Variants in NET1 observed in about 807,000 individuals in gnomAD.
The protein encoded by NET1 is neuroepithelial cell-transforming gene 1 protein.
Under a neutral mutation model 61.1 loss-of-function variants are expected in NET1, and 42 were observed. The observed-to-expected ratio is 0.69, with a 90% CI of 0.54 to 0.89. The LOEUF (loss-of-function observed/expected upper bound fraction) is 0.89. Ranked by LOEUF, NET1 falls within the 40% of genes least tolerant of loss-of-function variation. The pLI is 0.00. For synonymous variants in NET1, 254 were observed against 281.8 expected (o/e 0.90, Z 0.99); for missense variants, 654 against 747.3 (o/e 0.88, Z 1.46).
At chr10:5,442,978 G>A (rs934915197) in intron 3 of NET1, among the ~76,000 whole-genome samples, 1 of 151,998 alleles carries the variant, frequency 6.6e-6, no homozygotes, top group African/African-American at 2.4e-5. Flanking sequence ...GTTATAAAAA[G>A]GCTATAAGGC....
At position 5,458,953 on chromosome 10, in the gene NET1, G is replaced by A. The variant is rs997919727; in HGVS notation, c.*1959G>A. Among the ~76,000 whole-genome samples, 1 of 152,112 alleles carries A rather than the reference G, an allele frequency of 6.6e-6. No homozygotes were observed. Among genetic ancestry groups the A allele is most frequent in the African/African-American group, 2.4e-5 (1 of 41,424 alleles). ...AGTAATAGTTCAAGTGTTGTTAATG[G>A]AATTATGTTTTATTTAAAACCGTAT... On this transcript the variant is annotated 3_prime_UTR_variant, in exon 12 of 12. Transcript: ENST00000355029. This position sits in a 1 kb window ranked among gnomAD's most constrained non-coding sequence, Gnocchi z 4.5.
chr10:5,455,200 G>C lies in NET1; in HGVS notation c.1197+82G>C, dbSNP rs1229005674. The C allele has an allele frequency of 6.1e-5, 84 of 1,373,602 alleles. No homozygotes were observed. The highest frequency in any genetic ancestry group is 8.4e-5 in the Non-Finnish European group (82 of 978,356). 85.1% of individuals were successfully genotyped at this position (1,373,602 alleles called of 1,614,324 possible). On this transcript the variant is annotated intron_variant, in intron 10 of 11. Transcript: ENST00000355029. The surrounding 1 kb of genome is among the most constrained non-coding windows in gnomAD (Gnocchi z 6.5). ...TACACGTTTGTTATGAAGCAGGCTT[G>C]TAAAGGGAAAGTCATGACATAGTAA...
chr10:5,430,401 G>T (rs182770219), intron 3 of NET1, among the ~76,000 whole-genome samples: 2 of 147,000 alleles, frequency 1.4e-5, no homozygotes, highest in East Asian at 4.0e-4. Context: ...TTGAGGCGGA[G>T]TCTCGCTCTG....
chr10:5,454,466 G>T lies in NET1; in HGVS notation c.970G>T (p.Glu324Ter). ...AGTCAAATACCCTTTACTGTTAAAAGAAATTCTTAAACACACTCCAAAAGA... is the reference window on the plus strand; with the variant it reads ...AGTCAAATACCCTTTACTGTTAAAATAAATTCTTAAACACACTCCAAAAGA... ...RLVKYPLLLKEILKHTPKEHP... is the reference protein window; with the variant it reads ...RLVKYPLLLK Residue 324 changes from glutamate (E) to a stop codon, truncating the protein, a stop_gained, in exon 9 of 12, where the codon GAA becomes TAA. Transcript: ENST00000355029. LOFTEE classifies it high-confidence loss of function. The surrounding 1 kb of genome is among the most constrained non-coding windows in gnomAD (Gnocchi z 8.1). The T allele has an allele frequency of 6.2e-7, 1 of 1,614,174 alleles. No individual in the cohort carries two copies. The highest frequency in any genetic ancestry group is 8.5e-7 in the Non-Finnish European group (1 of 1,180,016).
rs759389013 is a variant in NET1, at chr10:5,452,369, T to G, written c.375T>G (p.Leu125=). The change falls in exon 5 of 12, where the codon CTT becomes CTG. Residue 125 remains leucine, a synonymous_variant. Transcript: ENST00000355029. This position sits in a 1 kb window ranked among gnomAD's most constrained non-coding sequence, Gnocchi z 4.0. The part of the protein sequence containing the change: ...RFGQTIQSFT[L]RGDHRSPASA... ...TTTTCTTTTTTAAGTCATTTACCCT[T>G]CGTGGTGACCACAGATCCCCAGCCT... The G allele has an allele frequency of 2.2e-5, 35 of 1,608,744 alleles. No individual in the cohort carries two copies. Among genetic ancestry groups the G allele is most frequent in the Non-Finnish European group, 2.9e-5 (34 of 1,177,030 alleles).
rs763018439 is a variant in NET1, at chr10:5,454,378, C to T, written c.882C>T (p.Leu294=). ...TCCAAGACTTCCTCCAGCGATGTCT[C>T]GAGTCTCCCTTCAGTCGAAAACTAG... ...PRVQDFLQRC[L]ESPFSRKLDL... is the part of the protein sequence containing the mutation. The change falls in exon 9 of 12, where the codon CTC becomes CTT. Residue 294 remains leucine (L), a synonymous_variant. Transcript: ENST00000355029. The surrounding 1 kb of genome is among the most constrained non-coding windows in gnomAD (Gnocchi z 8.1). The T allele has an allele frequency of 1.2e-5, 20 of 1,614,018 alleles. No individual in the cohort carries two copies. In the Middle Eastern group the frequency reaches 9.9e-4, roughly 80 times the overall value.
intron 2 of NET1, among the ~76,000 whole-genome samples, 188 bp from the exon 3 acceptor site, chr10:5,428,982 C>T (rs1369071407): frequency 6.6e-6 from 1 of 151,994 alleles, no homozygotes; most frequent in Non-Finnish European, 1.5e-5. Context: ...GATCCGCCCT[C>T]CTCAGCCTCC....
chr10:5,432,500 A>G (rs1223554907), intron 3 of NET1, among the ~76,000 whole-genome samples: 1 of 152,170 alleles, frequency 6.6e-6, no homozygotes, highest in Non-Finnish European at 1.5e-5. Flanking sequence ...CAGTCAAATT[A>G]CTGTGTTTTT....
chr10:5,453,503 A>G lies in NET1; in HGVS notation c.711A>G (p.Gly237=). Residue 237 remains glycine, a synonymous_variant, in exon 8 of 12, where the codon GGA becomes GGG. Coordinates refer to ENST00000355029, the MANE Select transcript of NET1 (RefSeq NM_001047160.3). The surrounding 1 kb of genome is among the most constrained non-coding windows in gnomAD (Gnocchi z 4.9). ...CTTCAGATTTGTTGACAAGAATAGGAGAAGCAACCAAGCCTGATGGAACAG... is the reference window on the plus strand; with the variant it reads ...CTTCAGATTTGTTGACAAGAATAGGGGAAGCAACCAAGCCTGATGGAACAG... ...PLHEDLLTRI[G]EATKPDGTVE... The G allele has an allele frequency of 6.2e-7, 1 of 1,614,150 alleles. No individual in the cohort carries two copies. Among genetic ancestry groups the G allele is most frequent in the Non-Finnish European group, 8.5e-7 (1 of 1,180,016 alleles).
intron 3 of NET1, among the ~76,000 whole-genome samples, chr10:5,436,565 T>C (rs1220381692): frequency 6.6e-6 from 1 of 151,994 alleles, no homozygotes; most frequent in South Asian, 2.1e-4. Flanking sequence ...ATTGGTATAC[T>C]CTGCCATTTT....
rs1318410403 is a variant in NET1, at chr10:5,427,807, G to T, written c.195+1086G>T. 3.9e-5 allele frequency among the ~76,000 whole-genome samples: 6 copies of T among 152,172 alleles called. No homozygotes were observed. Among genetic ancestry groups the T allele is most frequent in the Non-Finnish European group, 8.8e-5 (6 of 68,032 alleles). Reference sequence around the variant, plus strand: ...GTGTGCAGTCATTTCCTAGGGGATAGATTCTGTTCCTTGTTTTCTTTTTTC... The same window carrying T: ...GTGTGCAGTCATTTCCTAGGGGATATATTCTGTTCCTTGTTTTCTTTTTTC... On this transcript the variant is annotated intron_variant, in intron 2 of 11. Coordinates refer to ENST00000355029, the MANE Select transcript of NET1 (RefSeq NM_001047160.3). The surrounding 1 kb of genome is among the most constrained non-coding windows in gnomAD (Gnocchi z 4.1).
Position 5,440,606 on chromosome 10 carries a change from C to A in NET1, c.256-11224C>A, listed in dbSNP as rs1008158135. On this transcript the variant is annotated intron_variant, in intron 3 of 11. Transcript: ENST00000355029. The surrounding 1 kb of genome is among the most constrained non-coding windows in gnomAD (Gnocchi z 4.1). The stretch of plus-strand genomic sequence containing the variant: ...GGTGTGCAATACTGCTTCTGACTTA[C>A]CATCTTGGCCCAGGTGTAAGGGGTG... Among the ~76,000 whole-genome samples, 2 of 152,188 alleles carry A rather than the reference C, an allele frequency of 1.3e-5. No homozygotes were observed. Among genetic ancestry groups the A allele is most frequent in the African/African-American group, 4.8e-5 (2 of 41,442 alleles).
At position 5,422,599 on chromosome 10, in the gene NET1, A is replaced by G. The variant is rs1832194494; in HGVS notation, c.129-4056A>G. 6.6e-6 allele frequency among the ~76,000 whole-genome samples: 1 copy of G among 152,190 alleles called. No homozygotes were observed. The highest frequency in any genetic ancestry group is 2.4e-5 in the African/African-American group (1 of 41,436). ...CAAGGCCTGAGAATTAATGCAGGAC[A>G]TTAGGATGTCTGGGGTGCTTTGGGG... On this transcript the variant is annotated intron_variant, in intron 1 of 11. Transcript: ENST00000355029. The surrounding 1 kb of genome is among the most constrained non-coding windows in gnomAD (Gnocchi z 4.1).
chr10:5,413,770 G>A (rs1227626971), intron 1 of NET1, among the ~76,000 whole-genome samples: 1 of 152,198 alleles, frequency 6.6e-6, no homozygotes, highest in African/African-American at 2.4e-5. Context: ...TTTTGCAACA[G>A]GTTGAGAAGA....
intron 2 of NET1, among the ~76,000 whole-genome samples, chr10:5,428,287 G>A (rs1288356689): frequency 6.6e-6 from 1 of 152,064 alleles, no homozygotes; most frequent in Non-Finnish European, 1.5e-5. Context: ...AGAAATGGTA[G>A]ATATGTACAC....
Position 5,452,508 on chromosome 10 carries a change from G to C in NET1, c.514G>C (p.Glu172Gln). 1 of 1,613,368 alleles carries C rather than the reference G, an allele frequency of 6.2e-7. No homozygotes were observed. The highest frequency in any genetic ancestry group is 8.5e-7 in the Non-Finnish European group (1 of 1,179,638). The change falls in exon 5 of 12, where the codon GAG becomes CAG. Residue 172 changes from glutamate to glutamine, a missense_variant. Coordinates refer to ENST00000355029, the MANE Select transcript of NET1 (RefSeq NM_001047160.3). This position sits in a 1 kb window ranked among gnomAD's most constrained non-coding sequence, Gnocchi z 4.0. ...ITMKESLTTR[E>Q]IRRQEAIYEM... ...CATGAAGGAGTCTCTCACCACCAGG[G>C]AGATCAGACGGCAGGAGGTATGCTG... is the stretch of plus-strand genomic sequence containing the variant.
rs182960432 is a variant in NET1 at position 5,417,140 on chromosome 10, G to T, written c.128+4320G>T. ...CCCTGGCCAAGCTCTGCGTCATTCT[G>T]CGAATCGATGGCCTGCCAGCTGGCC... On this transcript the variant is annotated intron_variant, in intron 1 of 11. Transcript: ENST00000355029. The surrounding 1 kb of genome is among the most constrained non-coding windows in gnomAD (Gnocchi z 5.5). Among the ~76,000 whole-genome samples, 1 of 149,122 alleles carries T rather than the reference G, an allele frequency of 6.7e-6. No homozygotes were observed. The highest frequency in any genetic ancestry group is 2.5e-5 in the African/African-American group (1 of 40,218).
At chr10:5,419,448 G>T (rs780021256) in intron 1 of NET1, among the ~76,000 whole-genome samples, 1 of 152,004 alleles carries the variant, frequency 6.6e-6, no homozygotes, top group Non-Finnish European at 1.5e-5. Flanking sequence ...CCATTTTGTC[G>T]TGTTATATAT....
chr10:5,426,845 A>G lies in NET1; in HGVS notation c.195+124A>G. ...GGGTCTTGAGGAACAGAATTCCTGT[A>G]ACCATCTTTGGCAGCCTAATTTAGT... On this transcript the variant is annotated intron_variant, in intron 2 of 11. Coordinates refer to ENST00000355029, the MANE Select transcript of NET1 (RefSeq NM_001047160.3). This position sits in a 1 kb window ranked among gnomAD's most constrained non-coding sequence, Gnocchi z 4.6. 1.7e-6 allele frequency: 1 copy of G among 572,976 alleles called. No individual in the cohort carries two copies. Among genetic ancestry groups the G allele is most frequent in the Non-Finnish European group, 2.9e-6 (1 of 345,302 alleles). The allele number at this position is 572,976 out of a possible 1,614,324, so 35.5% of individuals were successfully genotyped here.
Sources: gnomAD v4.1 joint callset for allele counts (sites outside exome capture counted in the v4.1 genomes callset) on GRCh38, gnomAD v4.1.1 for gene constraint, Gnocchi (gnomAD v3.1) non-coding constraint, MANE v1.5 for transcripts, NCBI Gene and HGNC (gene_info 2026-07-23, HGNC 2026-07-21) for gene names.